The following MAPK9 variants were observed in gnomAD, a reference collection of about 807,000 sequenced individuals.
MAPK9 encodes the protein mitogen-activated protein kinase 9, also known as Jun kinase.
In MAPK9, 30 loss-of-function variants were observed where a neutral mutation model predicts 57.1. That is an observed-to-expected ratio of 0.53 (90% CI 0.39 to 0.71). MAPK9 has a LOEUF of 0.71. Ranked by LOEUF, MAPK9 falls within the 30% of genes least tolerant of loss-of-function variation. The pLI, the probability that MAPK9 is intolerant of heterozygous loss-of-function variation, is 0.00. For synonymous variants in MAPK9, 155 were observed against 177.0 expected, an observed-to-expected ratio of 0.88 and a Z score of 0.99; for missense variants, 362 against 521.0, an observed-to-expected ratio of 0.69 and a Z score of 2.97.
At chr5:180,285,229 AGAGGAAGTTGTCCAGT>A (rs1336952814) in intron 1 of MAPK9, among the ~76,000 whole-genome samples, 2 of 152,248 alleles carry the variant, frequency 1.3e-5, no homozygotes, top group Admixed American at 1.3e-4. Context: ...ACTGAGGCTT[AGAGGAAGTTGTCCAGT>A]AAGGAAGTTG....
intron 1 of MAPK9, among the ~76,000 whole-genome samples, chr5:180,283,099 T>G (rs1022116635): frequency 6.6e-6 from 1 of 152,150 alleles, no homozygotes; most frequent in Non-Finnish European, 1.5e-5. Flanking sequence ...ACACAGGCGC[T>G]GAGGTGCTCC....
At chr5:180,248,319 G>T (rs1758327438) in intron 6 of MAPK9, among the ~76,000 whole-genome samples, 1 of 152,214 alleles carries the variant, frequency 6.6e-6, no homozygotes, top group African/African-American at 2.4e-5. Flanking sequence ...TGCCCCTCAG[G>T]GTGGGAACAC....
chr5:180,265,656 G>A (rs894588490), intron 3 of MAPK9, among the ~76,000 whole-genome samples: 2 of 152,116 alleles, frequency 1.3e-5, no homozygotes, highest in Admixed American at 6.6e-5. Context: ...CACTGTCTTG[G>A]GTATCTCTTT....
At chr5:180,266,670 C>G (rs1760595916) in intron 3 of MAPK9, among the ~76,000 whole-genome samples, 1 of 151,572 alleles carries the variant, frequency 6.6e-6, no homozygotes, top group African/African-American at 2.4e-5. Context: ...CCAGGTGTGC[C>G]TTAAACTCCT....
chr5:180,273,275 G>A (rs531396935), intron 2 of MAPK9, among the ~76,000 whole-genome samples: 1 of 151,782 alleles, frequency 6.6e-6, no homozygotes, highest in East Asian at 1.9e-4. Context: ...TTTTTTTTCA[G>A]TCATATATCT....
intron 9 of MAPK9, 95 bp downstream of exon 9, chr5:180,240,936 G>C: frequency 2.9e-6 from 4 of 1,367,366 alleles, no homozygotes; most frequent in Non-Finnish European, 3.8e-6. Context: ...TGGAGAACTT[G>C]CTACCCATAT....
chr5:180,289,352 C>T (rs559953907), intron 1 of MAPK9, among the ~76,000 whole-genome samples: 3 of 152,086 alleles, frequency 2.0e-5, no homozygotes, highest in Admixed American at 6.5e-5. Flanking sequence ...AAAATCAAAG[C>T]TGTCAAAAGA....
At chr5:180,269,232 A>C (rs780801286) in intron 3 of MAPK9, 48 bp downstream of exon 3, 14 of 1,579,144 alleles carry the variant, frequency 8.9e-6, no homozygotes, top group Admixed American at 5.0e-5. Context: ...AGATTACCAC[A>C]TTATTGACAA....
At chr5:180,274,174 TATG>T (rs957856808) in intron 2 of MAPK9, among the ~76,000 whole-genome samples, 7 of 152,348 alleles carry the variant, frequency 4.6e-5, no homozygotes, top group East Asian at 1.9e-4. Flanking sequence ...TTCCTCCAGA[TATG>T]ATAATTTAAA....
chr5:180,241,534 C>T (rs1017332007), intron 8 of MAPK9, among the ~76,000 whole-genome samples: 5 of 152,200 alleles, frequency 3.3e-5, no homozygotes, highest in Non-Finnish European at 5.9e-5. Flanking sequence ...CTCTTGACCT[C>T]GTGATCCGCC....
chr5:180,282,910 A>G (rs1762434978), intron 1 of MAPK9, among the ~76,000 whole-genome samples: 1 of 152,322 alleles, frequency 6.6e-6, no homozygotes, highest in East Asian at 1.9e-4. Context: ...TGGGAGGAGA[A>G]GCAGCAGAGG....
intron 5 of MAPK9, among the ~76,000 whole-genome samples, chr5:180,258,863 A>G (rs975130878): frequency 2.1e-5 from 1 of 47,952 alleles, no homozygotes; most frequent in South Asian, 5.7e-4. Flanking sequence ...TGTCTCTACT[A>G]AAAAAAAAAA....
rs368561841 is a variant in MAPK9, at chr5:180,282,894, G to C, written c.-47-2286C>G. On this transcript the variant is annotated intron_variant, in intron 1 of 11. Transcript: ENST00000452135. ...AACCCAGTAGGGTGAAGAAGATTTG[G>C]GGGAATGGGAGGAGAAGCAGCAGAG... is the stretch of plus-strand genomic sequence containing the variant. Among the ~76,000 whole-genome samples, 7 of 152,186 alleles carry C rather than the reference G, an allele frequency of 4.6e-5. No individual in the cohort carries two copies. In the East Asian group the frequency reaches 1.2e-3, roughly 25 times the overall value.
chr5:180,286,746 A>C (rs915704715), intron 1 of MAPK9, among the ~76,000 whole-genome samples: 1 of 152,202 alleles, frequency 6.6e-6, no homozygotes, highest in Admixed American at 6.5e-5. Flanking sequence ...CGACAGCAGA[A>C]GCATTCTCCC....
chr5:180,260,189 C>T (rs531648948), intron 5 of MAPK9, among the ~76,000 whole-genome samples: 4 of 152,268 alleles, frequency 2.6e-5, no homozygotes, highest in South Asian at 2.1e-4. Flanking sequence ...CATAAAAGAA[C>T]TCATTTCTAA....
chr5:180,274,275 A>C (rs1331392899), intron 2 of MAPK9, among the ~76,000 whole-genome samples: 1 of 152,068 alleles, frequency 6.6e-6, no homozygotes, highest in African/African-American at 2.4e-5. Flanking sequence ...TTGCAGGGGG[A>C]GGGGTACATA....
rs1757172104 is a variant in MAPK9, at chr5:180,236,363, AGGT to A, written c.*18_*20del. 1.9e-6 allele frequency: 3 copies of A among 1,587,462 alleles called. No individual in the cohort carries two copies. In the Admixed American group the frequency reaches 5.1e-5, roughly 27 times the overall value. On this transcript the variant is annotated 3_prime_UTR_variant, in exon 12 of 12. Coordinates refer to ENST00000452135, the MANE Select transcript of MAPK9 (RefSeq NM_002752.5). ...AGGTGAGAGTTCCTTCAATGCTGAC[AGGT>A]TTGCTATTTCTAACCTATCATCGAC...
In MAPK9 at chr5:180,257,001, T is replaced by C. The variant is rs140918254; in HGVS notation, c.450+4683A>G. 2.6e-3 allele frequency among the ~76,000 whole-genome samples: 398 copies of C among 152,348 alleles called. 4 individuals carry two copies. The highest frequency in any genetic ancestry group is 5.0e-4 in the Non-Finnish European group (34 of 68,032). Reference sequence around the variant, plus strand: ...TCAGGAACAGAAATAGAATGGTACATCAGGAGATCTTTAATTCAGAAGCCT... The same window carrying C: ...TCAGGAACAGAAATAGAATGGTACACCAGGAGATCTTTAATTCAGAAGCCT... On this transcript the variant is annotated intron_variant, in intron 5 of 11. Coordinates refer to ENST00000452135, the MANE Select transcript of MAPK9 (RefSeq NM_002752.5).
Position 180,280,579 on chromosome 5 carries a change from T to C in MAPK9, c.-18A>G. ...TCGCTCATGATGCAGCGTCCTGCAATATCCCGAAGGGTGGGCAAGTTTCAG... is the reference window on the plus strand; with the variant it reads ...TCGCTCATGATGCAGCGTCCTGCAACATCCCGAAGGGTGGGCAAGTTTCAG... On this transcript the variant is annotated 5_prime_UTR_variant, in exon 2 of 12. In the 5' UTR this introduces an upstream ATG that the reference lacks. Transcript: ENST00000452135. The C allele has an allele frequency of 6.2e-7, 1 of 1,608,720 alleles. No homozygotes were observed. Among genetic ancestry groups the C allele is most frequent in the Non-Finnish European group, 8.5e-7 (1 of 1,177,832 alleles).
Sources: allele counts gnomAD v4.1 joint callset (sites outside exome capture counted in the v4.1 genomes callset), GRCh38; gene constraint gnomAD v4.1.1; transcripts MANE v1.5; gene names NCBI Gene and HGNC (gene_info 2026-07-23, HGNC 2026-07-21).